Variants in STARD13 observed in about 807,000 individuals in gnomAD.
The protein encoded by STARD13 is StAR related lipid transfer domain containing 13, also known as stAR-related lipid transfer protein 13.
In STARD13, 62 loss-of-function variants were observed where a neutral mutation model predicts 106.4. The ratio of observed to expected loss-of-function variants is 0.58; its 90% CI spans 0.48 to 0.72. The LOEUF is 0.72. Ranked by LOEUF, STARD13 falls within the 30% of genes least tolerant of loss-of-function variation. The probability of loss-of-function intolerance (pLI) is 0.00; values close to 1 mark genes in which losing one functional copy is unlikely to be tolerated. For synonymous variants in STARD13, 565 were observed against 553.0 expected (o/e 1.02, Z -0.31); for missense variants, 1,387 against 1,424.0 (o/e 0.97, Z 0.42).
At chr13:33,542,597 G>C in the STARD13 span, among the ~76,000 whole-genome samples, 1 of 152,140 alleles carries the variant, frequency 6.6e-6, no homozygotes, top group African/African-American at 2.4e-5. Context: ...GCGCGCACCA[G>C]CAACCAGGGC....
intron 1 of STARD13, among the ~76,000 whole-genome samples, chr13:33,237,302 C>T (rs1014776651): frequency 1.3e-5 from 2 of 152,118 alleles, no homozygotes; most frequent in Admixed American, 6.6e-5. Context: ...TGTTGTAATC[C>T]CTGTTTTTCC....
At chr13:33,627,996 C>T in the STARD13 span, among the ~76,000 whole-genome samples, 1 of 147,172 alleles carries the variant, frequency 6.8e-6, no homozygotes, top group Non-Finnish European at 1.5e-5. Context: ...GACGGAGTCT[C>T]GCTCTGTTGC....
intron 1 of STARD13, among the ~76,000 whole-genome samples, chr13:33,308,137 G>A (rs957742062): frequency 6.6e-6 from 1 of 152,118 alleles, no homozygotes; most frequent in Non-Finnish European, 1.5e-5. Flanking sequence ...GGTAGTTTCT[G>A]GAAAAAGAAC....
chr13:33,429,932 G>T, the STARD13 span, among the ~76,000 whole-genome samples: 21 of 149,866 alleles, frequency 1.4e-4, no homozygotes, highest in Middle Eastern at 3.5e-3. Context: ...TTTTTTGGGG[G>T]GGGGGGACGG....
At chr13:33,473,879 G>A in the STARD13 span, among the ~76,000 whole-genome samples, 1 of 152,134 alleles carries the variant, frequency 6.6e-6, no homozygotes, top group Admixed American at 6.6e-5. Context: ...CTCGATTTGG[G>A]AAATTCCAAA....
chr13:33,104,545 T>A lies in STARD13; in HGVS notation c.*1048A>T, dbSNP rs943910870. 1.3e-5 allele frequency: 2 copies of A among 152,604 alleles called. No homozygotes were observed. The highest frequency in any genetic ancestry group is 2.9e-5 in the Non-Finnish European group (2 of 68,036). The allele number at this position is 152,604 out of a possible 1,614,324, so 9.5% of individuals were successfully genotyped here. ...TAGGATTTGAACGGAATGGCCATCATCTCCCTTTGTATGGTGTCTGGAGTT... is the reference window on the plus strand; with the variant it reads ...TAGGATTTGAACGGAATGGCCATCAACTCCCTTTGTATGGTGTCTGGAGTT... On this transcript the variant is annotated 3_prime_UTR_variant, in exon 14 of 14. Coordinates refer to ENST00000336934, the MANE Select transcript of STARD13 (RefSeq NM_178006.4).
At chr13:33,181,736 C>T (rs375502526) in intron 1 of STARD13, among the ~76,000 whole-genome samples, 1 of 152,300 alleles carries the variant, frequency 6.6e-6, no homozygotes, top group African/African-American at 2.4e-5. Context: ...CTGTGTATCT[C>T]GATATTGCTA....
At chr13:33,331,526 A>ATT (rs35827468) in intron 1 of STARD13, among the ~76,000 whole-genome samples, 3,185 of 130,762 alleles carry the variant, frequency 0.024, 149 homozygotes, top group African/African-American at 0.084. Flanking sequence ...CTGATTTTGT[A>ATT]TTTTTTTTTT....
intron 1 of STARD13, chr13:33,274,080 A>C (rs1891293548): frequency 9.6e-6 from 1 of 104,606 alleles, no homozygotes; most frequent in Admixed American, 1.2e-4. Flanking sequence ...CATATCATAA[A>C]AATCAGTCTG....
the STARD13 span, among the ~76,000 whole-genome samples, chr13:33,675,891 CA>C: frequency 1.3e-5 from 2 of 152,148 alleles, no homozygotes; most frequent in Non-Finnish European, 2.9e-5. Context: ...TAGCTAAAAG[CA>C]TCGAGTATTC....
chr13:33,558,726 G>T, the STARD13 span, among the ~76,000 whole-genome samples: 7 of 148,064 alleles, frequency 4.7e-5, no homozygotes, highest in Admixed American at 4.7e-4. Flanking sequence ...GCCTGAAAAT[G>T]GTTATAAATA....
the STARD13 span, among the ~76,000 whole-genome samples, chr13:33,355,882 G>A: frequency 6.6e-6 from 1 of 152,102 alleles, no homozygotes; most frequent in Admixed American, 6.6e-5. Context: ...TTCGGGTTTT[G>A]TTCTGTTAAT....
intron 1 of STARD13, among the ~76,000 whole-genome samples, chr13:33,171,222 C>T (rs1449740585): frequency 6.6e-6 from 1 of 152,202 alleles, no homozygotes; most frequent in Non-Finnish European, 1.5e-5. Flanking sequence ...CCCTTACCCA[C>T]CCCTGTAGCA....
At chr13:33,399,520 C>T in the STARD13 span, among the ~76,000 whole-genome samples, 1 of 151,572 alleles carries the variant, frequency 6.6e-6, no homozygotes, top group East Asian at 1.9e-4. Context: ...CAGTGAAACC[C>T]CATCTGTACT....
intron 1 of STARD13, among the ~76,000 whole-genome samples, chr13:33,253,517 G>A (rs780831755): frequency 4.6e-5 from 7 of 152,146 alleles, no homozygotes; most frequent in East Asian, 3.8e-4. Context: ...AACAAGGGCC[G>A]CAGCGTGTAT....
chr13:33,669,825 C>T, the STARD13 span, among the ~76,000 whole-genome samples: 1 of 152,088 alleles, frequency 6.6e-6, no homozygotes, highest in Non-Finnish European at 1.5e-5. Flanking sequence ...TGAGCCACCA[C>T]ACCCGGCCAG....
At chr13:33,528,906 A>G in the STARD13 span, among the ~76,000 whole-genome samples, 1 of 152,194 alleles carries the variant, frequency 6.6e-6, no homozygotes. Context: ...AATTTCATGT[A>G]AAGAGGGTAA....
In STARD13 at chr13:33,129,974, G is replaced by A. The variant is rs775766146; in HGVS notation, c.703C>T (p.Pro235Ser). 4 of 1,613,182 alleles carry A rather than the reference G, an allele frequency of 2.5e-6. No individual in the cohort carries two copies. Among genetic ancestry groups the A allele is most frequent in the South Asian group, 1.1e-5 (1 of 91,028 alleles). ...GGGTGGTTGAGGACATCTCTGGGGG[G>A]CTGTGGGAGGCTGCTGCTGACGAGT... Reference protein sequence around the residue: ...APLVSSSLPQPPRDVLNHPFH... With the variant: ...APLVSSSLPQSPRDVLNHPFH... Residue 235 changes from proline (P) to serine (S), a missense_variant, in exon 5 of 14, where the codon CCC becomes TCC. Transcript: ENST00000336934.
At chr13:33,478,471 A>AC in the STARD13 span, among the ~76,000 whole-genome samples, 3 of 152,228 alleles carry the variant, frequency 2.0e-5, 1 homozygote, top group East Asian at 3.8e-4. Context: ...AAATCTTTGA[A>AC]CATGCACTTA....
Sources: allele counts gnomAD v4.1 joint callset (sites outside exome capture counted in the v4.1 genomes callset), GRCh38; gene constraint gnomAD v4.1.1; transcripts MANE v1.5; gene names NCBI Gene and HGNC (gene_info 2026-07-23, HGNC 2026-07-21).